The following GPC6 variants were observed in gnomAD, a reference collection of about 807,000 sequenced individuals.
The protein encoded by GPC6 is glypican-6.
Under a neutral mutation model 55.2 loss-of-function variants are expected in GPC6, and 14 were observed. That is an observed-to-expected ratio of 0.25 (90% CI 0.17 to 0.40). GPC6 has a LOEUF of 0.40. Among genes scored for constraint, GPC6 ranks in the 10% least tolerant of loss-of-function variants. The probability of loss-of-function intolerance (pLI) is 1.00; values close to 1 mark genes in which losing one functional copy is unlikely to be tolerated. For synonymous variants in GPC6, 278 were observed against 259.6 expected (o/e 1.07, Z -0.68); for missense variants, 641 against 708.5 (o/e 0.90, Z 1.08).
At chr13:94,151,092 T>G (rs925586261) in intron 4 of GPC6, among the ~76,000 whole-genome samples, 2 of 152,008 alleles carry the variant, frequency 1.3e-5, no homozygotes, top group Admixed American at 6.6e-5. Flanking sequence ...CACATAGTTA[T>G]AGATAAGTCA....
chr13:94,199,462 C>T (rs1889685983), intron 4 of GPC6, among the ~76,000 whole-genome samples: 1 of 152,156 alleles, frequency 6.6e-6, no homozygotes. Flanking sequence ...TTCCTATGAG[C>T]TTCAGTTTCC....
intron 4 of GPC6, among the ~76,000 whole-genome samples, chr13:94,093,019 C>T (rs1885546316): frequency 6.6e-6 from 1 of 151,856 alleles, no homozygotes; most frequent in Admixed American, 6.6e-5. Context: ...GATAGGAATC[C>T]CTTATTAGAT....
intron 1 of GPC6, among the ~76,000 whole-genome samples, chr13:93,299,612 C>T (rs1878608202): frequency 1.3e-5 from 2 of 152,182 alleles, no homozygotes; most frequent in South Asian, 4.1e-4. Context: ...CATATGGAGC[C>T]ATTAGCACAG....
At chr13:93,272,529 A>C (rs1877572185) in intron 1 of GPC6, among the ~76,000 whole-genome samples, 1 of 144,214 alleles carries the variant, frequency 6.9e-6, no homozygotes, top group South Asian at 2.2e-4. Context: ...TAACTTAGAA[A>C]ATGTTTGAAT....
At chr13:93,648,222 A>G (rs1409526597) in intron 2 of GPC6, among the ~76,000 whole-genome samples, 1 of 152,114 alleles carries the variant, frequency 6.6e-6, no homozygotes, top group East Asian at 1.9e-4. Context: ...ATTTTTAACA[A>G]TCTACAGCCC....
At chr13:94,008,934 A>G (rs1882130871) in intron 3 of GPC6, among the ~76,000 whole-genome samples, 1 of 152,146 alleles carries the variant, frequency 6.6e-6, no homozygotes, top group Admixed American at 6.6e-5. Flanking sequence ...AAATTTAATA[A>G]CCACCCTATC....
intron 1 of GPC6, among the ~76,000 whole-genome samples, chr13:93,364,294 T>G (rs1881158894): frequency 6.6e-6 from 1 of 152,162 alleles, no homozygotes; most frequent in African/African-American, 2.4e-5. Flanking sequence ...ATTTTTGGTT[T>G]AGTCACCACG....
chr13:93,500,540 ATTAC>A (rs1880482427), intron 1 of GPC6, among the ~76,000 whole-genome samples: 1 of 152,088 alleles, frequency 6.6e-6, no homozygotes, highest in East Asian at 1.9e-4. Context: ...ATAATTGCAT[ATTAC>A]TTAATATCCC....
At chr13:94,168,290 A>G (rs1888435573) in intron 4 of GPC6, among the ~76,000 whole-genome samples, 1 of 152,162 alleles carries the variant, frequency 6.6e-6, no homozygotes, top group African/African-American at 2.4e-5. Context: ...ACTCTCTGCT[A>G]TCTCGGAGAT....
intron 3 of GPC6, among the ~76,000 whole-genome samples, chr13:93,984,838 A>G (rs1259017675): frequency 6.6e-6 from 1 of 152,212 alleles, no homozygotes; most frequent in East Asian, 1.9e-4. Flanking sequence ...ACATATAAAT[A>G]TTTTTAATGG....
At chr13:93,963,514 C>A (rs952908786) in intron 3 of GPC6, among the ~76,000 whole-genome samples, 10 of 152,144 alleles carry the variant, frequency 6.6e-5, no homozygotes, top group African/African-American at 1.9e-4. Context: ...GTTATCGATA[C>A]GTAACACTTT....
intron 3 of GPC6, among the ~76,000 whole-genome samples, chr13:93,897,721 C>T (rs1402292130): frequency 1.3e-5 from 2 of 152,040 alleles, no homozygotes; most frequent in East Asian, 3.9e-4. Context: ...AGACACTAGT[C>T]TTCTGTCCCC....
At chr13:93,600,733 C>T (rs537593470) in intron 2 of GPC6, among the ~76,000 whole-genome samples, 14 of 151,744 alleles carry the variant, frequency 9.2e-5, no homozygotes, top group South Asian at 2.1e-4. Flanking sequence ...GGGTGGATCA[C>T]GAGGTCAGGA....
chr13:94,200,918 A>G (rs1889726101), intron 4 of GPC6, among the ~76,000 whole-genome samples: 1 of 152,226 alleles, frequency 6.6e-6, no homozygotes, highest in Non-Finnish European at 1.5e-5. Context: ...CAGGGCTTCA[A>G]TAAAGCCTGG....
At chr13:93,488,999 C>T (rs1255351983) in intron 1 of GPC6, among the ~76,000 whole-genome samples, 1 of 151,690 alleles carries the variant, frequency 6.6e-6, no homozygotes, top group African/African-American at 2.4e-5. Context: ...TCAATTTTGG[C>T]TTTTGTTGCC....
intron 4 of GPC6, among the ~76,000 whole-genome samples, chr13:94,266,368 C>G (rs1315402323): frequency 6.6e-6 from 1 of 152,142 alleles, no homozygotes; most frequent in Non-Finnish European, 1.5e-5. Flanking sequence ...CGGGGTTTCA[C>G]TGTGTTAGCC....
At chr13:94,372,470 C>CGGG (rs1879603474) in intron 6 of GPC6, among the ~76,000 whole-genome samples, 1 of 151,926 alleles carries the variant, frequency 6.6e-6, no homozygotes, top group African/African-American at 2.4e-5. Flanking sequence ...CCTGGAAAAT[C>CGGG]GGGTCACTCC....
At chr13:93,546,881 C>T (rs1221876184) in intron 2 of GPC6, among the ~76,000 whole-genome samples, 2 of 152,254 alleles carry the variant, frequency 1.3e-5, no homozygotes, top group East Asian at 3.9e-4. Flanking sequence ...AAGAAAGAAG[C>T]TCTACTGTGT....
chr13:94,271,140 G>T (rs1173169688), intron 4 of GPC6, among the ~76,000 whole-genome samples: 1 of 149,352 alleles, frequency 6.7e-6, no homozygotes, highest in African/African-American at 2.5e-5. Context: ...ACAGGCTCCC[G>T]CCACCATGCC....
Sources: gnomAD v4.1 joint callset for allele counts (sites outside exome capture counted in the v4.1 genomes callset) on GRCh38, gnomAD v4.1.1 for gene constraint, MANE v1.5 for transcripts, NCBI Gene and HGNC (gene_info 2026-07-23, HGNC 2026-07-21) for gene names.